The following ACTN1 variants were observed in gnomAD, a reference collection of about 807,000 sequenced individuals.
ACTN1 encodes the protein actinin alpha 1, also known as alpha-actinin-1.
A neutral mutation model predicts 119.6 loss-of-function variants in ACTN1; 30 were observed. The ratio of observed to expected loss-of-function variants is 0.25; its 90% CI spans 0.19 to 0.34. The LOEUF (loss-of-function observed/expected upper bound fraction) is 0.34, where lower values mean the gene tolerates loss of function less well. ACTN1 is among the 10% of genes least tolerant of loss of function. The pLI is 1.00. For missense variants in ACTN1, 764 were observed against 1,223.4 expected (o/e 0.62, Z 5.60); for synonymous variants, 429 against 472.6 (o/e 0.91, Z 1.20).
chr14:68,936,105 T>G (rs1262773544), intron 1 of ACTN1, among the ~76,000 whole-genome samples: 3 of 151,214 alleles, frequency 2.0e-5, no homozygotes, highest in African/African-American at 4.8e-5. Flanking sequence ...CCCAGAAACT[T>G]TTCCCATCAG....
chr14:68,951,143 C>G (rs1469148669), intron 1 of ACTN1, among the ~76,000 whole-genome samples: 1 of 152,202 alleles, frequency 6.6e-6, no homozygotes, highest in Non-Finnish European at 1.5e-5. Context: ...AAGCGCCACC[C>G]ATGGCCAGAG....
intron 1 of ACTN1, chr14:68,977,949 C>T: frequency 2.2e-6 from 1 of 456,050 alleles, no homozygotes. Context: ...CACAGGCTCA[C>T]CGCGCAGGCA....
At chr14:68,947,474 A>G (rs1316828598) in intron 1 of ACTN1, 2 of 152,284 alleles carry the variant, frequency 1.3e-5, no homozygotes, top group Non-Finnish European at 2.9e-5. Flanking sequence ...GAGGCTCAGA[A>G]TAAGGACCAG....
intron 1 of ACTN1, among the ~76,000 whole-genome samples, chr14:68,951,315 C>CA (rs1185701517): frequency 2.0e-5 from 3 of 152,164 alleles, no homozygotes; most frequent in Non-Finnish European, 4.4e-5. Flanking sequence ...CCTTTTTACT[C>CA]AGACTGTTAT....
In ACTN1 at chr14:68,880,406, C is replaced by CA; in HGVS notation, c.2134-299dup. Among the ~76,000 whole-genome samples the CA allele has an allele frequency of 6.6e-6, 1 of 152,012 alleles. No homozygotes were observed. Among genetic ancestry groups the CA allele is most frequent in the South Asian group, 2.1e-4 (1 of 4,814 alleles). On this transcript the variant is annotated intron_variant, in intron 17 of 21. Transcript: ENST00000394419. This position sits in a 1 kb window ranked among gnomAD's most constrained non-coding sequence, Gnocchi z 4.6. ...GATTTGGGGGTAGGAAAGATTGAGACAAAAAAATGTGTGATTCCCCGAACC... is the reference window on the plus strand; with the variant it reads ...GATTTGGGGGTAGGAAAGATTGAGACAAAAAAAATGTGTGATTCCCCGAACC...
In ACTN1 at chr14:68,890,248, C is replaced by T; in HGVS notation, c.1125G>A (p.Glu375=). The change falls in exon 11 of 22, where the codon GAG becomes GAA. Residue 375 remains glutamate (E), a synonymous_variant. Coordinates refer to ENST00000394419, the MANE Select transcript of ACTN1 (RefSeq NM_001130004.2). ...NNAWGCLEQV[E]KGYEEWLLNE... ...TCAGCAACCACTCCTCATAGCCCTT[C>T]TCCACCTGCTCCAGGCAGCCCCAGG... 6.2e-7 allele frequency: 1 copy of T among 1,614,228 alleles called. No homozygotes were observed. Among genetic ancestry groups the T allele is most frequent in the East Asian group, 2.2e-5 (1 of 44,876 alleles).
At chr14:68,957,738 A>C (rs1204209119) in intron 1 of ACTN1, among the ~76,000 whole-genome samples, 1 of 152,186 alleles carries the variant, frequency 6.6e-6, no homozygotes, top group African/African-American at 2.4e-5. Flanking sequence ...TCAAGAGTTC[A>C]GCAAGGCATC....
At chr14:68,933,739 T>C (rs2035346555) in intron 1 of ACTN1, among the ~76,000 whole-genome samples, 1 of 151,988 alleles carries the variant, frequency 6.6e-6, no homozygotes, top group Non-Finnish European at 1.5e-5. Context: ...CCCAGCACTT[T>C]GGGAGGCCAA....
At chr14:68,963,879 T>C (rs2036618613) in intron 1 of ACTN1, among the ~76,000 whole-genome samples, 2 of 152,204 alleles carry the variant, frequency 1.3e-5, no homozygotes. Context: ...GGGAAATCAC[T>C]ATACTATTCT....
chr14:68,900,750 G>A (rs949401372), intron 8 of ACTN1: 2 of 152,234 alleles, frequency 1.3e-5, no homozygotes, highest in African/African-American at 2.4e-5. Flanking sequence ...GCAGGAGAAG[G>A]AGGGGCTTCT....
intron 1 of ACTN1, chr14:68,977,802 C>CCCA (rs1555361557): frequency 1.4e-5 from 5 of 365,130 alleles, no homozygotes; most frequent in Admixed American, 6.6e-5. Flanking sequence ...CCATCCTGTC[C>CCCA]CCCCCCCACC....
chr14:68,954,333 T>C (rs1343138691), intron 1 of ACTN1, among the ~76,000 whole-genome samples: 1 of 152,168 alleles, frequency 6.6e-6, no homozygotes, highest in African/African-American at 2.4e-5. Context: ...TATTTATTTA[T>C]TTATTTATTC....
intron 1 of ACTN1, among the ~76,000 whole-genome samples, chr14:68,955,063 T>C (rs2036307920): frequency 6.6e-6 from 1 of 152,200 alleles, no homozygotes; most frequent in African/African-American, 2.4e-5. Context: ...CACTCAATTC[T>C]GCTCCCCCAT....
Position 68,892,165 on chromosome 14 carries a change from G to A in ACTN1, c.974C>T (p.Pro325Leu). Residue 325 changes from proline (P) to leucine (L), a missense_variant, in exon 10 of 22, where the codon CCG (proline) becomes CTG (leucine). Coordinates refer to ENST00000394419, the MANE Select transcript of ACTN1 (RefSeq NM_001130004.2). ...DFRDYRRLHK[P>L]PKVQEKCQLE... ...CTGGCACTTCTCCTGCACCTTGGGC[G>A]GCTTGTGCAGGCGCCGGTAGTCCCG... 1.9e-6 allele frequency: 3 copies of A among 1,614,150 alleles called. No homozygotes were observed. The highest frequency in any genetic ancestry group is 2.5e-6 in the Non-Finnish European group (3 of 1,180,022).
At position 68,925,437 on chromosome 14, in the gene ACTN1, C is replaced by T. The variant is rs1566643875; in HGVS notation, c.220+121G>A. The T allele has an allele frequency of 1.8e-6, 1 of 548,500 alleles. No homozygotes were observed. The highest frequency in any genetic ancestry group is 2.6e-5 in the South Asian group (1 of 38,256). The allele number at this position is 548,500 out of a possible 1,614,324, so 34.0% of individuals were successfully genotyped here. A position where few individuals can be genotyped will look rare whatever the true frequency, so the allele number is the denominator to read the frequency against. On this transcript the variant is annotated intron_variant, in intron 2 of 21. Transcript: ENST00000394419. This position sits in a 1 kb window ranked among gnomAD's most constrained non-coding sequence, Gnocchi z 4.3. ...CCCACGCTCCTAGGATGAATTCATA[C>T]ATGTCATCCCCAACTTGTTTCAAGA...
intron 8 of ACTN1, among the ~76,000 whole-genome samples, 192 bp downstream of exon 8, chr14:68,902,285 G>C (rs1268862359): frequency 1.3e-5 from 2 of 152,204 alleles, no homozygotes; most frequent in African/African-American, 4.8e-5. Context: ...GAAGATGAGA[G>C]AGAGAGGTGT....
At chr14:68,932,081 CTT>C (rs535136032) in intron 1 of ACTN1, among the ~76,000 whole-genome samples, 65 of 151,990 alleles carry the variant, frequency 4.3e-4, no homozygotes, top group African/African-American at 1.4e-3. Flanking sequence ...TGATTGTCAA[CTT>C]GATTGAATTA....
At chr14:68,910,324 A>C (rs2033931402) in intron 4 of ACTN1, among the ~76,000 whole-genome samples, 1 of 152,158 alleles carries the variant, frequency 6.6e-6, no homozygotes, top group Non-Finnish European at 1.5e-5. Flanking sequence ...ACTCTCTTTT[A>C]TTCAAAGAAA....
intron 1 of ACTN1, among the ~76,000 whole-genome samples, chr14:68,930,640 A>G (rs2035182484): frequency 6.6e-6 from 1 of 152,202 alleles, no homozygotes; most frequent in Non-Finnish European, 1.5e-5. Flanking sequence ...ACTCTAAAGA[A>G]GACTGCAAAT....
Sources: gnomAD v4.1 joint callset for allele counts (sites outside exome capture counted in the v4.1 genomes callset) on GRCh38, gnomAD v4.1.1 for gene constraint, Gnocchi (gnomAD v3.1) non-coding constraint, MANE v1.5 for transcripts, NCBI Gene and HGNC (gene_info 2026-07-23, HGNC 2026-07-21) for gene names.